The following LRRTM4 variants were observed in gnomAD, a reference collection of about 807,000 sequenced individuals.
The protein encoded by LRRTM4 is leucine rich repeat transmembrane neuronal 4.
A neutral mutation model predicts 47.6 loss-of-function variants in LRRTM4; 25 were observed. The observed-to-expected ratio is 0.53, with a 90% CI of 0.38 to 0.73. The LOEUF (loss-of-function observed/expected upper bound fraction) is 0.73. LRRTM4 is among the 30% of genes least tolerant of loss of function. The pLI is 0.00. For missense variants in LRRTM4, 638 were observed against 713.4 expected (o/e 0.89, Z 1.20); for synonymous variants, 311 against 269.5 (o/e 1.15, Z -1.51).
rs996968521 is a variant in LRRTM4 at position 77,218,793 on chromosome 2, G to A, written c.1551+299525C>T. 3.3e-5 allele frequency among the ~76,000 whole-genome samples: 5 copies of A among 152,078 alleles called. No individual in the cohort carries two copies. The East Asian group carries it at 9.6e-4, about 29-fold the overall frequency. On this transcript the variant is annotated intron_variant, in intron 3 of 3. Transcript: ENST00000409884. ...TAAGGTGAATTTTGCAGCTCCATTTGTGCAAACTTTGTGATGCCTTCATTG... is the reference window on the plus strand; with the variant it reads ...TAAGGTGAATTTTGCAGCTCCATTTATGCAAACTTTGTGATGCCTTCATTG...
chr2:76,827,704 T>C (rs1167695130), intron 3 of LRRTM4, among the ~76,000 whole-genome samples: 1 of 151,896 alleles, frequency 6.6e-6, no homozygotes, highest in Non-Finnish European at 1.5e-5. Flanking sequence ...GGTCAATATA[T>C]TGAGTACTGA....
At chr2:77,022,554 A>G (rs757372894) in intron 3 of LRRTM4, among the ~76,000 whole-genome samples, 1 of 152,194 alleles carries the variant, frequency 6.6e-6, no homozygotes, top group African/African-American at 2.4e-5. Context: ...TCCTAGATAC[A>G]ATGGAGGTAC....
chr2:77,495,149 C>T (rs1368617698), intron 3 of LRRTM4, among the ~76,000 whole-genome samples: 2 of 151,812 alleles, frequency 1.3e-5, no homozygotes, highest in Admixed American at 1.3e-4. Context: ...CTTTTATGTC[C>T]CTTGGTTACC....
chr2:77,144,711 C>T (rs549690771), intron 3 of LRRTM4, among the ~76,000 whole-genome samples: 5 of 152,202 alleles, frequency 3.3e-5, no homozygotes, highest in Non-Finnish European at 2.9e-5. Context: ...TAGAATTCCT[C>T]CTAGCTCCTG....
At chr2:77,303,308 C>G (rs2104169765) in intron 3 of LRRTM4, among the ~76,000 whole-genome samples, 1 of 152,158 alleles carries the variant, frequency 6.6e-6, no homozygotes, top group East Asian at 1.9e-4. Context: ...TCTTGTTTTC[C>G]AGAATAAAAT....
At chr2:77,298,386 G>A (rs563719178) in intron 3 of LRRTM4, among the ~76,000 whole-genome samples, 198 of 152,174 alleles carry the variant, frequency 1.3e-3, no homozygotes, top group Non-Finnish European at 2.4e-3. Context: ...ACAGGCACCC[G>A]CCACCACGCC....
chr2:76,789,353 G>A (rs1041463727), intron 3 of LRRTM4, among the ~76,000 whole-genome samples: 3 of 152,108 alleles, frequency 2.0e-5, no homozygotes, highest in South Asian at 4.1e-4. Context: ...GCTGTCCCTC[G>A]CAGCCTCTTG....
At chr2:77,033,994 A>C (rs1678751972) in intron 3 of LRRTM4, among the ~76,000 whole-genome samples, 1 of 151,856 alleles carries the variant, frequency 6.6e-6, no homozygotes, top group African/African-American at 2.4e-5. Context: ...AGATTTTTTA[A>C]TATAAAAGTA....
At chr2:77,130,069 A>C (rs921723576) in intron 3 of LRRTM4, among the ~76,000 whole-genome samples, 4 of 152,196 alleles carry the variant, frequency 2.6e-5, no homozygotes, top group Admixed American at 2.6e-4. Flanking sequence ...GTATCCAAAG[A>C]CTAAGGAAAA....
At chr2:77,443,479 A>C (rs1370296571) in intron 3 of LRRTM4, among the ~76,000 whole-genome samples, 1 of 152,140 alleles carries the variant, frequency 6.6e-6, no homozygotes. Context: ...TTTTTAGTAA[A>C]ATGGATGTTA....
chr2:76,904,131 T>C (rs936220243), intron 3 of LRRTM4, among the ~76,000 whole-genome samples: 3 of 152,216 alleles, frequency 2.0e-5, no homozygotes, highest in African/African-American at 7.2e-5. Flanking sequence ...TCAGGGTTCA[T>C]GAAGCATAGT....
rs369806444 is a variant in LRRTM4, at chr2:77,518,281, G to T, written c.1551+37C>A. The T allele has an allele frequency of 7.2e-6, 11 of 1,526,356 alleles. No individual in the cohort carries two copies. In the Admixed American group the frequency reaches 1.0e-4, roughly 14 times the overall value. 94.6% of individuals were successfully genotyped at this position (1,526,356 alleles called of 1,614,324 possible). The stretch of plus-strand genomic sequence containing the variant: ...TTCAAACATTTACCTCTCCTTCCCC[G>T]CAGTAGAAATGCTTTTAGGAGGATC... On this transcript the variant is annotated intron_variant, in intron 3 of 3. Coordinates refer to ENST00000409884, the MANE Select transcript of LRRTM4 (RefSeq NM_001134745.3).
chr2:77,015,389 T>G (rs1475518293), intron 3 of LRRTM4, among the ~76,000 whole-genome samples: 1 of 152,078 alleles, frequency 6.6e-6, no homozygotes. Context: ...CAGGCTAGAG[T>G]GCAGTGGTGC....
chr2:77,459,318 T>C (rs1573444187), intron 3 of LRRTM4, among the ~76,000 whole-genome samples: 1 of 152,122 alleles, frequency 6.6e-6, no homozygotes, highest in African/African-American at 2.4e-5. Flanking sequence ...TTAATTTTTT[T>C]GGTTGTCAAA....
At chr2:77,206,225 C>A (rs1225836446) in intron 3 of LRRTM4, among the ~76,000 whole-genome samples, 2 of 148,750 alleles carry the variant, frequency 1.3e-5, no homozygotes, top group Non-Finnish European at 3.0e-5. Context: ...GTTGCCCAGG[C>A]TGGAATGAGG....
At chr2:76,776,626 T>G (rs1180596069) in intron 3 of LRRTM4, among the ~76,000 whole-genome samples, 32 of 151,950 alleles carry the variant, frequency 2.1e-4, no homozygotes, top group Admixed American at 7.9e-4. Flanking sequence ...TCTTGTAAAT[T>G]TGTTTGAGTT....
intron 3 of LRRTM4, among the ~76,000 whole-genome samples, chr2:77,445,570 G>A (rs1676020150): frequency 6.6e-6 from 1 of 151,890 alleles, no homozygotes; most frequent in African/African-American, 2.4e-5. Flanking sequence ...GTGTAGCATA[G>A]CAGTTTTCTC....
intron 3 of LRRTM4, among the ~76,000 whole-genome samples, chr2:77,362,385 G>A (rs957887749): frequency 6.6e-5 from 10 of 152,156 alleles, no homozygotes; most frequent in Admixed American, 2.0e-4. Flanking sequence ...TATATAGAAC[G>A]AGATATATTT....
chr2:76,974,575 A>T (rs543066891), intron 3 of LRRTM4, among the ~76,000 whole-genome samples: 1 of 151,594 alleles, frequency 6.6e-6, no homozygotes, highest in East Asian at 2.0e-4. Context: ...AAATCAAGCA[A>T]AAGCCAAATA....
Sources: allele counts gnomAD v4.1 joint callset (sites outside exome capture counted in the v4.1 genomes callset), GRCh38; gene constraint gnomAD v4.1.1; transcripts MANE v1.5; gene names NCBI Gene and HGNC (gene_info 2026-07-23, HGNC 2026-07-21).